NXN: variants seen among roughly 807,000 people sequenced by gnomAD.
NXN encodes nucleoredoxin.
NXN carries 16 observed loss-of-function variants against 48.6 expected under a neutral mutation model. The ratio of observed to expected loss-of-function variants is 0.33; its 90% CI spans 0.22 to 0.50. The LOEUF is 0.50. Among genes scored for constraint, NXN ranks in the 20% least tolerant of loss-of-function variants. The pLI, the probability that NXN is intolerant of heterozygous loss-of-function variation, is 0.98. For missense variants in NXN, 492 were observed against 605.5 expected, an observed-to-expected ratio of 0.81 and a Z score of 1.97; for synonymous variants, 281 against 269.6, an observed-to-expected ratio of 1.04 and a Z score of -0.41.
At chr17:805,625 T>G (rs1346091137) in intron 5 of NXN, among the ~76,000 whole-genome samples, 2 of 151,930 alleles carry the variant, frequency 1.3e-5, no homozygotes, top group African/African-American at 2.4e-5. Flanking sequence ...TCACTTGAGG[T>G]CAGGAGTTGG....
chr17:931,369 C>T (rs2068851564), intron 1 of NXN, among the ~76,000 whole-genome samples: 1 of 150,482 alleles, frequency 6.6e-6, no homozygotes, highest in African/African-American at 2.4e-5. Flanking sequence ...AGAAGAAATG[C>T]TTAAACCTGG....
chr17:828,140 G>C (rs953354863), intron 1 of NXN, among the ~76,000 whole-genome samples: 2 of 152,088 alleles, frequency 1.3e-5, no homozygotes, highest in African/African-American at 2.4e-5. Flanking sequence ...ATCTCGCTCT[G>C]TCACCCAGGC....
chr17:936,781 G>T (rs373163878), intron 1 of NXN, among the ~76,000 whole-genome samples: 1 of 150,088 alleles, frequency 6.7e-6, no homozygotes, highest in Non-Finnish European at 1.5e-5. Context: ...ACTTCACAGA[G>T]GTATTACAGT....
intron 1 of NXN, among the ~76,000 whole-genome samples, chr17:951,792 C>T (rs1183209416): frequency 6.6e-6 from 1 of 152,186 alleles, no homozygotes; most frequent in Non-Finnish European, 1.5e-5. Flanking sequence ...ACCTGGGGTC[C>T]CGTGGGTATT....
chr17:833,773 T>C (rs1463332569), intron 1 of NXN, among the ~76,000 whole-genome samples: 1 of 152,162 alleles, frequency 6.6e-6, no homozygotes, highest in Non-Finnish European at 1.5e-5. Context: ...TTGACCTTGA[T>C]TCAACTGAGA....
intron 1 of NXN, among the ~76,000 whole-genome samples, chr17:951,077 C>T (rs11869177): frequency 2.0e-5 from 3 of 149,510 alleles, no homozygotes; most frequent in Non-Finnish European, 4.4e-5. Flanking sequence ...TGGCTCACGC[C>T]TGTAATCCCA....
chr17:868,012 G>A (rs1379508048), intron 1 of NXN, among the ~76,000 whole-genome samples: 9 of 152,180 alleles, frequency 5.9e-5, no homozygotes, highest in Non-Finnish European at 8.8e-5. Context: ...CAGAGTGACA[G>A]GAGCATGACC....
intron 1 of NXN, among the ~76,000 whole-genome samples, chr17:976,131 T>G (rs73279321): frequency 1.6e-4 from 25 of 152,132 alleles, no homozygotes; most frequent in African/African-American, 5.8e-4. Context: ...GTACCTACCA[T>G]GACAACAGGC....
chr17:847,836 A>G (rs929453827), intron 1 of NXN, among the ~76,000 whole-genome samples: 1 of 152,216 alleles, frequency 6.6e-6, no homozygotes, highest in Admixed American at 6.5e-5. Context: ...AGACCCGCAA[A>G]CATATGTCTT....
intron 5 of NXN, among the ~76,000 whole-genome samples, chr17:811,764 G>A (rs1328665565): frequency 6.6e-6 from 1 of 152,094 alleles, no homozygotes; most frequent in Non-Finnish European, 1.5e-5. Context: ...GACAGCTCAA[G>A]GGCACAGCCT....
chr17:936,602 C>T (rs548976989), intron 1 of NXN, among the ~76,000 whole-genome samples: 3 of 151,088 alleles, frequency 2.0e-5, no homozygotes, highest in South Asian at 4.2e-4. Flanking sequence ...GGTGTGTCGG[C>T]CTGCCTCAGG....
intron 1 of NXN, among the ~76,000 whole-genome samples, chr17:848,479 C>T (rs761958804): frequency 3.3e-5 from 5 of 152,174 alleles, no homozygotes; most frequent in African/African-American, 4.8e-5. Flanking sequence ...CGGCTTAACA[C>T]GAGCAGGATT....
intron 1 of NXN, among the ~76,000 whole-genome samples, chr17:910,249 T>G (rs923197964): frequency 1.3e-4 from 19 of 151,972 alleles, no homozygotes; most frequent in Admixed American, 1.0e-3. Flanking sequence ...CTGTCTCTAC[T>G]AAAAATACAA....
At chr17:922,173 G>A (rs139048872) in intron 1 of NXN, among the ~76,000 whole-genome samples, 2 of 152,326 alleles carry the variant, frequency 1.3e-5, no homozygotes, top group Non-Finnish European at 2.9e-5. Context: ...CAGGCACAGT[G>A]GCTCACGTCT....
At chr17:943,212 T>C (rs571124430) in intron 1 of NXN, among the ~76,000 whole-genome samples, 1 of 152,344 alleles carries the variant, frequency 6.6e-6, no homozygotes, top group South Asian at 2.1e-4. Context: ...ACTAAAATGT[T>C]TGTGAACTTT....
At chr17:812,036 T>C (rs916603916) in intron 5 of NXN, among the ~76,000 whole-genome samples, 1 of 145,174 alleles carries the variant, frequency 6.9e-6, no homozygotes, top group Non-Finnish European at 1.5e-5. Context: ...CACGCCATTC[T>C]CCTGCCTCAG....
intron 5 of NXN, among the ~76,000 whole-genome samples, chr17:816,451 G>C (rs562931996): frequency 1.3e-5 from 2 of 152,020 alleles, no homozygotes; most frequent in Non-Finnish European, 2.9e-5. Flanking sequence ...GCCTCTGCAC[G>C]TGCGGTTCCG....
chr17:916,734 T>TA (rs1206900583), intron 1 of NXN, among the ~76,000 whole-genome samples: 1 of 152,108 alleles, frequency 6.6e-6, no homozygotes, highest in Non-Finnish European at 1.5e-5. Context: ...AGGTCTCCAC[T>TA]AAAAATACAA....
In NXN at chr17:823,712, A is replaced by C. The variant is rs775616902; in HGVS notation, c.532T>G (p.Leu178Val). 1.2e-6 allele frequency: 2 copies of C among 1,614,154 alleles called. No homozygotes were observed. Among genetic ancestry groups the C allele is most frequent in the South Asian group, 2.2e-5 (2 of 91,082 alleles). ...KPFREVIAGP[L>V]LRNNGQSLES... ...AGAGACTGCCCATTGTTTCTAAGCA[A>C]GGGCCCTGCAATGACTTCCCTGAAG... Residue 178 changes from leucine (L) to valine (V), a missense_variant, in exon 3 of 8, where the codon TTG becomes GTG. Leu to Val is a conservative substitution (Grantham distance 32). This residue lies in a region of NXN where 303 missense variants were observed against 388.3 expected (regional missense o/e 0.78). Coordinates refer to ENST00000336868, the MANE Select transcript of NXN (RefSeq NM_022463.5).
Sources: gnomAD v4.1 joint callset for allele counts (sites outside exome capture counted in the v4.1 genomes callset) on GRCh38, gnomAD v4.1.1 for gene constraint, gnomAD v4.1.1 regional missense constraint, MANE v1.5 for transcripts, NCBI Gene and HGNC (gene_info 2026-07-23, HGNC 2026-07-21) for gene names.